The following CACNA2D3 variants were observed in gnomAD, a reference collection of about 807,000 sequenced individuals.
CACNA2D3 encodes the protein voltage-dependent calcium channel subunit alpha-2/delta-3.
In CACNA2D3, 60 loss-of-function variants were observed where a neutral mutation model predicts 160.6. The observed-to-expected ratio is 0.37, with a 90% CI of 0.30 to 0.46. The LOEUF is 0.46. Ranked by LOEUF, CACNA2D3 falls within the 20% of genes least tolerant of loss-of-function variation. CACNA2D3 has a pLI of 1.00. For missense variants in CACNA2D3, 1,205 were observed against 1,365.0 expected (o/e 0.88, Z 1.85); for synonymous variants, 558 against 492.9 (o/e 1.13, Z -1.75).
At chr3:54,765,924 T>C (rs901171320) in intron 13 of CACNA2D3, among the ~76,000 whole-genome samples, 8 of 152,078 alleles carry the variant, frequency 5.3e-5, no homozygotes, top group Non-Finnish European at 8.8e-5. Context: ...TAGAGAAAAA[T>C]AGAATTAGTT....
At chr3:54,682,112 C>T (rs1285913024) in intron 11 of CACNA2D3, among the ~76,000 whole-genome samples, 1 of 151,686 alleles carries the variant, frequency 6.6e-6, no homozygotes, top group Non-Finnish European at 1.5e-5. Context: ...GATGTTTATA[C>T]TGCATTCTGG....
intron 3 of CACNA2D3, among the ~76,000 whole-genome samples, chr3:54,360,915 A>G (rs1273628163): frequency 6.6e-6 from 1 of 152,140 alleles, no homozygotes; most frequent in Non-Finnish European, 1.5e-5. Flanking sequence ...TGTCTCATCC[A>G]TATGGCTTTA....
At chr3:54,924,680 G>A in intron 27 of CACNA2D3, 1 of 1,614,164 alleles carries the variant, frequency 6.2e-7, no homozygotes, top group Non-Finnish European at 8.5e-7. Flanking sequence ...TGCATTTCCA[G>A]AGGTTGTCCT....
chr3:54,873,377 A>T (rs1046539761), intron 18 of CACNA2D3, among the ~76,000 whole-genome samples: 2 of 148,890 alleles, frequency 1.3e-5, no homozygotes, highest in South Asian at 4.2e-4. Context: ...TCTTCACTTT[A>T]TCTGTTGATT....
At chr3:54,452,956 T>A (rs956298245) in intron 4 of CACNA2D3, among the ~76,000 whole-genome samples, 1 of 151,288 alleles carries the variant, frequency 6.6e-6, no homozygotes. Context: ...CTTCTTTTTT[T>A]CTTTCTTTCT....
intron 2 of CACNA2D3, among the ~76,000 whole-genome samples, chr3:54,315,930 A>G (rs951142084): frequency 9.9e-5 from 15 of 152,212 alleles, no homozygotes; most frequent in African/African-American, 3.6e-4. Flanking sequence ...ACTACAACTT[A>G]TATATATTTT....
chr3:54,633,560 TCA>T (rs1288953943), intron 10 of CACNA2D3: 1 of 152,100 alleles, frequency 6.6e-6, no homozygotes, highest in African/African-American at 2.4e-5. Flanking sequence ...TCTTCCCACC[TCA>T]CAGATTGAAT....
In CACNA2D3 at chr3:54,503,762, A is replaced by G. The variant is rs1019563090; in HGVS notation, c.544+108A>G. 7.3e-6 allele frequency: 7 copies of G among 954,988 alleles called. No individual in the cohort carries two copies. The African/African-American group carries it at 1.2e-4, about 16-fold the overall frequency. The allele number at this position is 954,988 out of a possible 1,614,324, so 59.2% of individuals were successfully genotyped here. On this transcript the variant is annotated intron_variant, in intron 5 of 37. Transcript: ENST00000474759. ...TTTTGGTTTGTTTCATTTTTTTTGA[A>G]AAGCACAGTTATAAGCTGAGTGTGT... is the stretch of plus-strand genomic sequence containing the variant.
chr3:54,821,669 TTTCTTTC>T (rs1703599810), intron 14 of CACNA2D3, among the ~76,000 whole-genome samples: 1 of 118,220 alleles, frequency 8.5e-6, no homozygotes, highest in Non-Finnish European at 1.9e-5. Flanking sequence ...TCTTTCTTTC[TTTCTTTC>T]TTTCTTTCTT....
At chr3:54,745,494 C>T (rs1481317904) in intron 11 of CACNA2D3, among the ~76,000 whole-genome samples, 2 of 152,210 alleles carry the variant, frequency 1.3e-5, no homozygotes, top group African/African-American at 4.8e-5. Flanking sequence ...GGTCATAAGG[C>T]CTCAGACATC....
intron 3 of CACNA2D3, among the ~76,000 whole-genome samples, chr3:54,364,702 A>G (rs1698799491): frequency 6.6e-6 from 1 of 152,086 alleles, no homozygotes; most frequent in African/African-American, 2.4e-5. Flanking sequence ...GATTATAGTG[A>G]CTCTCTTCAG....
intron 10 of CACNA2D3, among the ~76,000 whole-genome samples, chr3:54,637,315 C>T (rs970023808): frequency 2.6e-5 from 4 of 151,478 alleles, no homozygotes; most frequent in African/African-American, 7.3e-5. Flanking sequence ...AGGGAGTAGA[C>T]GTATCTTATA....
At chr3:54,764,648 T>A (rs1160327371) in intron 13 of CACNA2D3, among the ~76,000 whole-genome samples, 1 of 152,214 alleles carries the variant, frequency 6.6e-6, no homozygotes, top group Non-Finnish European at 1.5e-5. Flanking sequence ...ATTCTGTCAG[T>A]GTAGCAATGA....
chr3:54,269,438 G>C (rs1164505717), intron 2 of CACNA2D3, among the ~76,000 whole-genome samples: 2 of 152,124 alleles, frequency 1.3e-5, no homozygotes, highest in Admixed American at 6.6e-5. Context: ...ATAAGATAAA[G>C]AAAAGAGCAC....
At chr3:54,501,406 ATTT>A (rs35135959) in intron 4 of CACNA2D3, among the ~76,000 whole-genome samples, 1 of 137,474 alleles carries the variant, frequency 7.3e-6, no homozygotes, top group Non-Finnish European at 1.6e-5. Context: ...CTCTAACACT[ATTT>A]TTTTTTTTTT....
At chr3:54,728,830 G>A (rs977426624) in intron 11 of CACNA2D3, among the ~76,000 whole-genome samples, 1 of 152,160 alleles carries the variant, frequency 6.6e-6, no homozygotes, top group Non-Finnish European at 1.5e-5. Context: ...CTTGGTGAGG[G>A]CTTAACTTTA....
At chr3:54,628,234 A>T (rs1699165092) in intron 10 of CACNA2D3, among the ~76,000 whole-genome samples, 1 of 152,028 alleles carries the variant, frequency 6.6e-6, no homozygotes, top group Non-Finnish European at 1.5e-5. Context: ...TCAAAAAAAA[A>T]TAGAAAAAGA....
intron 2 of CACNA2D3, among the ~76,000 whole-genome samples, chr3:54,152,925 A>T (rs1553736987): frequency 6.6e-6 from 1 of 152,282 alleles, no homozygotes; most frequent in East Asian, 1.9e-4. Context: ...AGCTTTCTCT[A>T]AGTTGGATGC....
intron 2 of CACNA2D3, among the ~76,000 whole-genome samples, chr3:54,189,597 G>T (rs1278117676): frequency 6.6e-6 from 1 of 152,130 alleles, no homozygotes; most frequent in African/African-American, 2.4e-5. Flanking sequence ...TGGCAAGCTG[G>T]GCTTCTCGGG....
Sources: allele counts gnomAD v4.1 joint callset (sites outside exome capture counted in the v4.1 genomes callset), GRCh38; gene constraint gnomAD v4.1.1; transcripts MANE v1.5; gene names NCBI Gene and HGNC (gene_info 2026-07-23, HGNC 2026-07-21).